The following GHR variants were observed in gnomAD, a reference collection of about 807,000 sequenced individuals.
The protein encoded by GHR is growth hormone receptor.
Under a neutral mutation model 67.1 loss-of-function variants are expected in GHR, and 35 were observed. The ratio of observed to expected loss-of-function variants is 0.52; its 90% CI spans 0.40 to 0.69. The LOEUF (loss-of-function observed/expected upper bound fraction) is 0.69, where lower values mean the gene tolerates loss of function less well. Ranked by LOEUF, GHR falls within the 30% of genes least tolerant of loss-of-function variation. The probability of loss-of-function intolerance (pLI) is 0.00; values close to 1 mark genes in which losing one functional copy is unlikely to be tolerated. For synonymous variants in GHR, 272 were observed against 269.1 expected, an observed-to-expected ratio of 1.01 and a Z score of -0.10; for missense variants, 792 against 764.6, an observed-to-expected ratio of 1.04 and a Z score of -0.42.
intron 2 of GHR, among the ~76,000 whole-genome samples, chr5:42,604,720 T>C (rs2112646663): frequency 6.6e-6 from 1 of 152,142 alleles, no homozygotes; most frequent in Middle Eastern, 3.4e-3. Context: ...TCTATTTTTT[T>C]TTTTTTTTTA....
chr5:42,664,018 T>G (rs1755813132), intron 3 of GHR, among the ~76,000 whole-genome samples: 1 of 152,048 alleles, frequency 6.6e-6, no homozygotes, highest in Non-Finnish European at 1.5e-5. Flanking sequence ...ATAAAATAAC[T>G]AGGAATCCAA....
chr5:42,572,514 A>G (rs1313460721), intron 2 of GHR, among the ~76,000 whole-genome samples: 2 of 152,202 alleles, frequency 1.3e-5, no homozygotes, highest in African/African-American at 4.8e-5. Flanking sequence ...ATCTGATGCA[A>G]TTGACCCTAC....
intron 1 of GHR, among the ~76,000 whole-genome samples, chr5:42,439,899 T>G (rs1354096052): frequency 6.6e-6 from 1 of 152,208 alleles, no homozygotes; most frequent in African/African-American, 2.4e-5. Context: ...CCTTAAATGT[T>G]TTTTCTCCAT....
At position 42,695,017 on chromosome 5, in the gene GHR, A is replaced by T; in HGVS notation, c.367A>T (p.Ile123Leu). 6.2e-7 allele frequency: 1 copy of T among 1,610,288 alleles called. No homozygotes were observed. The highest frequency in any genetic ancestry group is 8.5e-7 in the Non-Finnish European group (1 of 1,176,534). Residue 123 changes from isoleucine to leucine, a missense_variant, in exon 5 of 10, where the codon ATA (isoleucine) becomes TTA (leucine). Coordinates refer to ENST00000230882, the MANE Select transcript of GHR (RefSeq NM_000163.5). ...TAATTCATCGTTTACCTCCATCTGG[A>T]TACCTTATTGTATCAAGCTAACTAG... is the stretch of plus-strand genomic sequence containing the variant. Reference protein sequence around the residue: ...YFNSSFTSIWIPYCIKLTSNG... With the variant: ...YFNSSFTSIWLPYCIKLTSNG...
chr5:42,483,663 C>T (rs1244136718), intron 1 of GHR, among the ~76,000 whole-genome samples: 1 of 152,050 alleles, frequency 6.6e-6, no homozygotes, highest in Non-Finnish European at 1.5e-5. Context: ...GAAAGTGATA[C>T]CCATTTAGTG....
At chr5:42,501,407 TAA>T (rs142128353) in intron 1 of GHR, among the ~76,000 whole-genome samples, 139 of 152,256 alleles carry the variant, frequency 9.1e-4, no homozygotes, top group African/African-American at 3.2e-3. Flanking sequence ...TAAATGATAT[TAA>T]GAGTGTCTAT....
At chr5:42,618,784 C>A (rs1176038336) in intron 2 of GHR, among the ~76,000 whole-genome samples, 4 of 151,960 alleles carry the variant, frequency 2.6e-5, no homozygotes, top group Admixed American at 2.0e-4. Flanking sequence ...CTCTGATCTT[C>A]CCCCTATTCT....
intron 1 of GHR, chr5:42,466,954 T>C: frequency 6.5e-7 from 1 of 1,547,390 alleles, no homozygotes; most frequent in Non-Finnish European, 8.7e-7. Context: ...TGCACCACAC[T>C]TCTTATATTC....
chr5:42,573,863 AT>A (rs1326726553), intron 2 of GHR, among the ~76,000 whole-genome samples: 1 of 152,178 alleles, frequency 6.6e-6, no homozygotes, highest in African/African-American at 2.4e-5. Flanking sequence ...GTATTTTTTA[AT>A]TTTTTGGCAA....
In GHR at chr5:42,719,540, T is replaced by C; in HGVS notation, c.*116T>C. On this transcript the variant is annotated 3_prime_UTR_variant, in exon 10 of 10. Transcript: ENST00000230882. ...TTTGGGGGAGTGACAGGATGGGGTA[T>C]GGATTCTAAAATGCCTTTTCCCAAA... 1.0e-6 allele frequency: 1 copy of C among 979,026 alleles called. No homozygotes were observed. The highest frequency in any genetic ancestry group is 1.6e-6 in the Non-Finnish European group (1 of 615,750). 60.6% of individuals were successfully genotyped at this position (979,026 alleles called of 1,614,324 possible). A position where few individuals can be genotyped will look rare whatever the true frequency, so the allele number is the denominator to read the frequency against.
rs561058393 is a variant in GHR at position 42,686,670 on chromosome 5, A to G, written c.137-2220A>G. 9.1e-4 allele frequency among the ~76,000 whole-genome samples: 138 copies of G among 152,308 alleles called. No individual in the cohort carries two copies. The South Asian group carries it at 0.011, about 12-fold the overall frequency. On this transcript the variant is annotated intron_variant, in intron 3 of 9. Transcript: ENST00000230882. ...TCTCAATTAACTAGGTATTCATGGA[A>G]TGTATCTCAAAATAATAAGAGCTAT... is the stretch of plus-strand genomic sequence containing the variant.
At chr5:42,484,104 A>G (rs1745777463) in intron 1 of GHR, among the ~76,000 whole-genome samples, 1 of 152,178 alleles carries the variant, frequency 6.6e-6, no homozygotes, top group South Asian at 2.1e-4. Flanking sequence ...ATAAGTGTGT[A>G]TCATAAACAC....
At chr5:42,716,128 T>A (rs974574877) in intron 8 of GHR, among the ~76,000 whole-genome samples, 4 of 151,362 alleles carry the variant, frequency 2.6e-5, no homozygotes, top group African/African-American at 9.7e-5. Flanking sequence ...CATCTTTTTA[T>A]GTTTTTGGGA....
At chr5:42,524,362 G>A (rs1002288529) in intron 1 of GHR, among the ~76,000 whole-genome samples, 2 of 152,132 alleles carry the variant, frequency 1.3e-5, no homozygotes, top group Admixed American at 6.5e-5. Flanking sequence ...AAAAAGACTG[G>A]CAGCATTTTG....
At position 42,688,992 on chromosome 5, in the gene GHR, G is replaced by A; in HGVS notation, c.239G>A (p.Gly80Glu). ...DEVHHGTKNL[G>E]PIQLFYTRRN... The stretch of plus-strand genomic sequence containing the variant: ...GTTCATCATGGTACAAAGAACCTAG[G>A]ACCCATACAGCTGTTCTATACCAGA... The change falls in exon 4 of 10, where the codon GGA (glycine) becomes GAA (glutamate). Residue 80 changes from glycine (G) to glutamate (E), a missense_variant. Gly to Glu is a moderately conservative substitution (Grantham distance 98). Transcript: ENST00000230882. 1 of 1,613,766 alleles carries A rather than the reference G, an allele frequency of 6.2e-7. No individual in the cohort carries two copies. The highest frequency in any genetic ancestry group is 8.5e-7 in the Non-Finnish European group (1 of 1,179,696).
chr5:42,574,119 C>T (rs1290513510), intron 2 of GHR, among the ~76,000 whole-genome samples: 2 of 152,152 alleles, frequency 1.3e-5, no homozygotes, highest in African/African-American at 4.8e-5. Context: ...CCACTGCATC[C>T]CTGGTTGGAG....
At chr5:42,608,114 T>C (rs964768869) in intron 2 of GHR, among the ~76,000 whole-genome samples, 1 of 152,200 alleles carries the variant, frequency 6.6e-6, no homozygotes, top group Non-Finnish European at 1.5e-5. Flanking sequence ...TGAGCCCCAG[T>C]TTTCTCATCT....
At chr5:42,471,310 C>T (rs558389701) in intron 1 of GHR, among the ~76,000 whole-genome samples, 1 of 152,158 alleles carries the variant, frequency 6.6e-6, no homozygotes, top group South Asian at 2.1e-4. Flanking sequence ...GGCATCCACT[C>T]TATGTTCAAA....
chr5:42,592,670 G>A (rs1329146599), intron 2 of GHR, among the ~76,000 whole-genome samples: 1 of 152,146 alleles, frequency 6.6e-6, no homozygotes, highest in African/African-American at 2.4e-5. Flanking sequence ...CTGTCAATGG[G>A]CATTTAGGTT....
Sources: allele counts gnomAD v4.1 joint callset (sites outside exome capture counted in the v4.1 genomes callset), GRCh38; gene constraint gnomAD v4.1.1; transcripts MANE v1.5; gene names NCBI Gene and HGNC (gene_info 2026-07-23, HGNC 2026-07-21).